Variants in ENPP2 observed in about 807,000 individuals in gnomAD.
ENPP2 encodes the protein autotaxin.
A neutral mutation model predicts 120.2 loss-of-function variants in ENPP2; 51 were observed. The ratio of observed to expected loss-of-function variants is 0.42; its 90% CI spans 0.34 to 0.54. The LOEUF (loss-of-function observed/expected upper bound fraction) is 0.54. ENPP2 is among the 20% of genes least tolerant of loss of function. The probability of loss-of-function intolerance (pLI) is 0.04; values close to 1 mark genes in which losing one functional copy is unlikely to be tolerated. For missense variants in ENPP2, 920 were observed against 1,066.5 expected, an observed-to-expected ratio of 0.86 and a Z score of 1.91; for synonymous variants, 365 against 366.4, an observed-to-expected ratio of 1.00 and a Z score of 0.04.
At chr8:119,605,300 G>A (rs950682506) in intron 9 of ENPP2, among the ~76,000 whole-genome samples, 5 of 152,150 alleles carry the variant, frequency 3.3e-5, no homozygotes, top group African/African-American at 1.2e-4. Flanking sequence ...TCAAACTCCT[G>A]TGCTCAAGCG....
intron 24 of ENPP2, among the ~76,000 whole-genome samples, chr8:119,559,255 G>C (rs1459006033): frequency 6.6e-6 from 1 of 152,110 alleles, no homozygotes; most frequent in African/African-American, 2.4e-5. Flanking sequence ...AGTAAGCAGG[G>C]CAAGCATGAG....
At chr8:119,590,842 C>T (rs1377448498) in intron 12 of ENPP2, among the ~76,000 whole-genome samples, 1 of 152,018 alleles carries the variant, frequency 6.6e-6, no homozygotes, top group African/African-American at 2.4e-5. Flanking sequence ...GCCATATCAT[C>T]TTGCAAGCAC....
chr8:119,637,966 A>G (rs1437743766), intron 2 of ENPP2, among the ~76,000 whole-genome samples: 2 of 152,352 alleles, frequency 1.3e-5, no homozygotes, highest in East Asian at 3.9e-4. Context: ...GTAAATCTTA[A>G]AGTCCTAAAT....
At chr8:119,647,197 A>G (rs146892798) in intron 1 of ENPP2, among the ~76,000 whole-genome samples, 4,017 of 152,064 alleles carry the variant, frequency 0.026, 74 homozygotes, top group Non-Finnish European at 0.041. Flanking sequence ...AGGTTTCACC[A>G]TCTTGGCCAG....
chr8:119,598,499 GCCGCTTCATTTATT>G (rs1814060842), intron 11 of ENPP2, among the ~76,000 whole-genome samples: 1 of 152,118 alleles, frequency 6.6e-6, no homozygotes, highest in Non-Finnish European at 1.5e-5. Flanking sequence ...CATCCTGTAT[GCCGCTTCATTTATT>G]CCCTACTCAG....
chr8:119,590,444 G>A (rs1408393038), intron 13 of ENPP2, 61 bp downstream of exon 13: 3 of 1,329,362 alleles, frequency 2.3e-6, no homozygotes, highest in African/African-American at 3.0e-5. Context: ...TAGAAAACAA[G>A]CCCTTACCTA....
chr8:119,570,321 G>T (rs903231124), intron 20 of ENPP2, among the ~76,000 whole-genome samples: 9 of 149,520 alleles, frequency 6.0e-5, no homozygotes, highest in Non-Finnish European at 1.2e-4. Flanking sequence ...GAGGTTGAAG[G>T]GGGGTGGGTG....
In ENPP2 at chr8:119,617,080, GT is replaced by G. The variant is rs1815506982; in HGVS notation, c.657+83del. On this transcript the variant is annotated intron_variant, in intron 7 of 24. Coordinates refer to ENST00000075322, the MANE Select transcript of ENPP2 (RefSeq NM_001040092.3). Reference sequence around the variant, plus strand: ...ATTTTCTTTGAACACTAAGGAACACGTTTTAAAAGTAAAGTCTCTCCTTTAA... The same window carrying G: ...ATTTTCTTTGAACACTAAGGAACACGTTTAAAAGTAAAGTCTCTCCTTTAA... The G allele has an allele frequency of 1.4e-5, 12 of 886,710 alleles. No individual in the cohort carries two copies. In the East Asian group the frequency reaches 3.0e-4, roughly 22 times the overall value. The allele number at this position is 886,710 out of a possible 1,614,324, so 54.9% of individuals were successfully genotyped here.
chr8:119,649,869 A>G (rs913055628), intron 1 of ENPP2, among the ~76,000 whole-genome samples: 2 of 152,230 alleles, frequency 1.3e-5, no homozygotes, highest in African/African-American at 2.4e-5. Context: ...TACCCCCACT[A>G]GGATGCTAAA....
At chr8:119,583,436 T>C (rs998792246) in intron 17 of ENPP2, among the ~76,000 whole-genome samples, 1 of 152,224 alleles carries the variant, frequency 6.6e-6, no homozygotes, top group African/African-American at 2.4e-5. Flanking sequence ...ATCAGGTCTC[T>C]GACCAGTGGT....
chr8:119,574,878 T>C (rs917332310), intron 19 of ENPP2, among the ~76,000 whole-genome samples: 7 of 152,198 alleles, frequency 4.6e-5, no homozygotes. Flanking sequence ...TGAGATTTGA[T>C]TTAAGGCCTC....
chr8:119,640,676 T>C (rs1016587697), upstream of ENPP2, among the ~76,000 whole-genome samples: 3 of 152,224 alleles, frequency 2.0e-5, no homozygotes, highest in African/African-American at 4.8e-5. Context: ...AATAGCCAAG[T>C]TGATCTGCTT....
chr8:119,586,521 A>C (rs1056769467), intron 14 of ENPP2, among the ~76,000 whole-genome samples: 1 of 152,236 alleles, frequency 6.6e-6, no homozygotes, highest in African/African-American at 2.4e-5. Context: ...ATGACAGGCT[A>C]TCTGAGGACA....
At chr8:119,643,271 T>G (rs1305663622), upstream of ENPP2, among the ~76,000 whole-genome samples, 1 of 152,162 alleles carries the variant, frequency 6.6e-6, no homozygotes, top group Non-Finnish European at 1.5e-5. Context: ...AGCAGAAAAT[T>G]TTGATGGCTA....
At chr8:119,578,012 T>C (rs757875780) in intron 19 of ENPP2, among the ~76,000 whole-genome samples, 15 of 152,144 alleles carry the variant, frequency 9.9e-5, no homozygotes, top group Non-Finnish European at 1.8e-4. Flanking sequence ...ATTTTTATGC[T>C]CTTAAGTTTG....
chr8:119,618,942 A>G (rs1815679524), intron 5 of ENPP2, among the ~76,000 whole-genome samples: 1 of 152,136 alleles, frequency 6.6e-6, no homozygotes, highest in Non-Finnish European at 1.5e-5. Flanking sequence ...ATACTGAAAA[A>G]AAGTCTTAGC....
intron 11 of ENPP2, 134 bp downstream of exon 11, chr8:119,600,544 G>T: frequency 3.5e-6 from 2 of 571,250 alleles, no homozygotes; most frequent in Admixed American, 3.3e-5. Context: ...TTTTAGTCTT[G>T]TAGTTATTTG....
intron 2 of ENPP2, 85 bp from the exon 3 acceptor site, chr8:119,626,805 G>A (rs1411198429): frequency 7.9e-7 from 1 of 1,264,472 alleles, no homozygotes; most frequent in African/African-American, 1.5e-5. Flanking sequence ...TGTGCGGTGT[G>A]ATGCTGCAGT....
chr8:119,649,125 G>A (rs1403911308), intron 1 of ENPP2, among the ~76,000 whole-genome samples: 1 of 152,088 alleles, frequency 6.6e-6, no homozygotes, highest in African/African-American at 2.4e-5. Context: ...CGGGCACGGT[G>A]GCTCATGCCT....
Sources: gnomAD v4.1 joint callset for allele counts (sites outside exome capture counted in the v4.1 genomes callset) on GRCh38, gnomAD v4.1.1 for gene constraint, MANE v1.5 for transcripts, NCBI Gene and HGNC (gene_info 2026-07-23, HGNC 2026-07-21) for gene names.